The following GLT8D2 variants were observed in gnomAD, a reference collection of about 807,000 sequenced individuals.
GLT8D2 encodes glycosyltransferase 8 domain-containing protein 2.
In GLT8D2, 45 loss-of-function variants were observed where a neutral mutation model predicts 44.5. The observed-to-expected ratio is 1.01, with a 90% CI of 0.80 to 1.30. The LOEUF (loss-of-function observed/expected upper bound fraction) is 1.30, where lower values mean the gene tolerates loss of function less well. Among genes scored for constraint, GLT8D2 ranks in the 50% most tolerant of loss-of-function variants. The pLI is 0.00. For synonymous variants in GLT8D2, 156 were observed against 157.2 expected (o/e 0.99, Z 0.06); for missense variants, 400 against 430.4 (o/e 0.93, Z 0.62).
At chr12:104,037,454 G>A (rs773661503) in intron 1 of GLT8D2, among the ~76,000 whole-genome samples, 14 of 151,892 alleles carry the variant, frequency 9.2e-5, no homozygotes, top group African/African-American at 3.4e-4. Flanking sequence ...TCAAACAGAC[G>A]CAATAAAAAA....
In GLT8D2 at chr12:104,049,886, T is replaced by C. The variant is rs1205433928; in HGVS notation, c.-164+9A>G. The C allele has an allele frequency of 1.3e-5, 2 of 152,242 alleles. No homozygotes were observed. Among genetic ancestry groups the C allele is most frequent in the African/African-American group, 2.4e-5 (1 of 41,458 alleles). The allele number at this position is 152,242 out of a possible 1,614,324, so 9.4% of individuals were successfully genotyped here. A position where few individuals can be genotyped will look rare whatever the true frequency, so the allele number is the denominator to read the frequency against. ...CGACTGCACACTGCTCGTAAATTTC[T>C]CTATTTACCTGGTGAATGGTGAGGG... is the stretch of plus-strand genomic sequence containing the variant. On this transcript the variant is annotated intron_variant, in intron 1 of 10. Coordinates refer to ENST00000360814, the MANE Select transcript of GLT8D2 (RefSeq NM_001384711.1).
At chr12:104,027,894 G>A (rs1027777756) in intron 1 of GLT8D2, among the ~76,000 whole-genome samples, 2 of 152,174 alleles carry the variant, frequency 1.3e-5, no homozygotes, top group African/African-American at 4.8e-5. Context: ...CAGAGGTTAG[G>A]AGAATTGGGG....
intron 1 of GLT8D2, among the ~76,000 whole-genome samples, chr12:104,060,178 C>G (rs1882511159): frequency 6.6e-6 from 1 of 152,146 alleles, no homozygotes; most frequent in Admixed American, 6.5e-5. Context: ...TTTGACATCA[C>G]CCTCACCCAG....
At chr12:104,038,089 C>A (rs555659701) in intron 1 of GLT8D2, among the ~76,000 whole-genome samples, 45 of 152,300 alleles carry the variant, frequency 3.0e-4, no homozygotes, top group Admixed American at 2.9e-3. Context: ...CCACAAAATT[C>A]AACAGCCTTT....
At position 104,064,020 on chromosome 12, in the gene GLT8D2, G is replaced by A. The variant is rs1339090282; in HGVS notation, c.-494C>T. 1.3e-5 allele frequency: 2 copies of A among 152,334 alleles called. No individual in the cohort carries two copies. The highest frequency in any genetic ancestry group is 4.8e-5 in the African/African-American group (2 of 41,472). The allele number at this position is 152,334 out of a possible 1,614,324, so 9.4% of individuals were successfully genotyped here. A position where few individuals can be genotyped will look rare whatever the true frequency, so the allele number is the denominator to read the frequency against. On this transcript the variant is annotated 5_prime_UTR_variant, in exon 1 of 11. Coordinates refer to the GLT8D2 transcript ENST00000548660. The surrounding 1 kb of genome is among the most constrained non-coding windows in gnomAD (Gnocchi z 7.3). ...AAGCTGCCTTCGGTTCGCCCGGCAG[G>A]CTTTGTAGCGACCTTCCCTGCCCGG...
At chr12:104,030,909 C>T in intron 1 of GLT8D2, 1 of 1,529,002 alleles carries the variant, frequency 6.5e-7, no homozygotes, top group Non-Finnish European at 9.0e-7. Flanking sequence ...GGCGGGCAGG[C>T]GCTACGAGAT....
Position 103,994,361 on chromosome 12 carries a change from C to CA in GLT8D2, c.740dup (p.Leu247PhefsTer15). 6.2e-7 allele frequency: 1 copy of CA among 1,612,182 alleles called. No homozygotes were observed. Among genetic ancestry groups the CA allele is most frequent in the African/African-American group, 1.3e-5 (1 of 74,958 alleles). On this transcript the variant is annotated frameshift_variant, in exon 9 of 11. Coordinates refer to ENST00000360814, the MANE Select transcript of GLT8D2 (RefSeq NM_001384711.1). LOFTEE classifies it high-confidence loss of function. ...CCACATTCTTTTGCATCCATTTCTC[C>CA]AATTGCTTGGTGATGCGCTGGTGCT...
chr12:104,004,670 C>T (rs911728077), intron 4 of GLT8D2, among the ~76,000 whole-genome samples: 4 of 152,148 alleles, frequency 2.6e-5, no homozygotes, highest in Admixed American at 1.3e-4. Flanking sequence ...ATCCAACTTA[C>T]GAGAGATGTG....
rs765890281 is a variant in GLT8D2, at chr12:104,015,056, C to A, written c.69G>T (p.Leu23=). 10 of 1,613,866 alleles carry A rather than the reference C, an allele frequency of 6.2e-6. No individual in the cohort carries two copies. The South Asian group carries it at 1.1e-4, about 18-fold the overall frequency. ...CAGTCCCCTTATGAACTTTCTTATA[C>A]AGAATCACACAGAGGGTCACGATCA... ...FLLIVTLCVI[L]YKKVHKGTVP... is the part of the protein sequence containing the mutation. Residue 23 remains leucine (L), a synonymous_variant, in exon 4 of 11, where the codon CTG becomes CTT. Coordinates refer to ENST00000360814, the MANE Select transcript of GLT8D2 (RefSeq NM_001384711.1).
chr12:104,026,235 C>T (rs947507113), intron 1 of GLT8D2, among the ~76,000 whole-genome samples: 15 of 150,000 alleles, frequency 1.0e-4, no homozygotes, highest in Non-Finnish European at 1.8e-4. Context: ...GCCGAGATCA[C>T]ACCACTGCCC....
chr12:103,991,590 T>G (rs946327964), intron 10 of GLT8D2, among the ~76,000 whole-genome samples: 1 of 152,192 alleles, frequency 6.6e-6, no homozygotes, highest in Admixed American at 6.5e-5. Context: ...CTACACATAT[T>G]TAAAAATAGA....
At chr12:104,016,770 A>AAGGAAG (rs1566199626) in intron 3 of GLT8D2, among the ~76,000 whole-genome samples, 17 of 67,848 alleles carry the variant, frequency 2.5e-4, no homozygotes, top group African/African-American at 1.1e-3. Flanking sequence ...AAAGAAAGAA[A>AAGGAAG]GAAAGAAGGA....
At chr12:103,992,902 A>G (rs1182097937) in intron 10 of GLT8D2, among the ~76,000 whole-genome samples, 2 of 152,214 alleles carry the variant, frequency 1.3e-5, no homozygotes, top group African/African-American at 4.8e-5. Context: ...GTAGCTCAGA[A>G]TATCAGCTGC....
intron 6 of GLT8D2, 60 bp downstream of exon 6, chr12:103,999,337 C>T (rs924765345): frequency 7.6e-6 from 7 of 926,370 alleles, no homozygotes; most frequent in Non-Finnish European, 1.2e-5. Context: ...ACTAGCACTC[C>T]TTTACTGAAC....
In GLT8D2 at chr12:104,061,859, C is replaced by T. The variant is rs138890513; in HGVS notation, c.-423+2090G>A. Reference sequence around the variant, plus strand: ...GGCGTGGTGGTGCATGCCTGTAATCCCAGCTACTCAGGAGGCTGAGGCAGG... The same window carrying T: ...GGCGTGGTGGTGCATGCCTGTAATCTCAGCTACTCAGGAGGCTGAGGCAGG... On this transcript the variant is annotated intron_variant, in intron 1 of 10. Coordinates refer to the GLT8D2 transcript ENST00000548660. Among the ~76,000 whole-genome samples the T allele has an allele frequency of 2.8e-3, 422 of 151,140 alleles. 5 individuals are homozygous for T. The highest frequency in any genetic ancestry group is 9.8e-3 in the African/African-American group (403 of 41,184).
At chr12:104,019,118 CTTTTTT>C (rs11291563) in intron 3 of GLT8D2, among the ~76,000 whole-genome samples, 1 of 116,462 alleles carries the variant, frequency 8.6e-6, no homozygotes, top group African/African-American at 3.3e-5. Context: ...ACTTCTTCTT[CTTTTTT>C]TTTTTTTTTT....
chr12:104,004,537 G>A (rs1874706814), intron 4 of GLT8D2, among the ~76,000 whole-genome samples: 1 of 152,110 alleles, frequency 6.6e-6, no homozygotes, highest in Admixed American at 6.5e-5. Context: ...CAAAGTCTCA[G>A]GATATAAAAT....
chr12:104,013,011 A>G (rs535903588), intron 4 of GLT8D2, among the ~76,000 whole-genome samples: 2 of 152,334 alleles, frequency 1.3e-5, no homozygotes, highest in South Asian at 4.1e-4. Flanking sequence ...ACCAGAGAAA[A>G]TACATTTCTA....
intron 1 of GLT8D2, among the ~76,000 whole-genome samples, chr12:104,036,841 A>C (rs530983258): frequency 5.9e-5 from 9 of 152,176 alleles, no homozygotes; most frequent in Non-Finnish European, 1.2e-4. Context: ...ACTCTCCACC[A>C]CAAATCAACA....
Sources: allele counts gnomAD v4.1 joint callset (sites outside exome capture counted in the v4.1 genomes callset), GRCh38; gene constraint gnomAD v4.1.1; non-coding constraint Gnocchi (gnomAD v3.1); transcripts MANE v1.5; gene names NCBI Gene and HGNC (gene_info 2026-07-23, HGNC 2026-07-21).